The following KLF12 variants were observed in gnomAD, a reference collection of about 807,000 sequenced individuals.
KLF12 encodes Krueppel-like factor 12.
Under a neutral mutation model 37.8 loss-of-function variants are expected in KLF12, and 9 were observed. That is an observed-to-expected ratio of 0.24 (90% CI 0.14 to 0.42). The LOEUF is 0.42. Ranked by LOEUF, KLF12 falls within the 10% of genes least tolerant of loss-of-function variation. The pLI is 1.00. For missense variants in KLF12, 411 were observed against 516.0 expected, an observed-to-expected ratio of 0.80 and a Z score of 1.97; for synonymous variants, 208 against 202.1, an observed-to-expected ratio of 1.03 and a Z score of -0.25.
intron 5 of KLF12, among the ~76,000 whole-genome samples, chr13:73,784,098 G>A (rs754200436): frequency 6.6e-6 from 1 of 152,098 alleles, no homozygotes; most frequent in African/African-American, 2.4e-5. Flanking sequence ...CCTCAGCTAT[G>A]TACAGAACAG....
intron 1 of KLF12, among the ~76,000 whole-genome samples, chr13:74,024,435 C>T (rs776685125): frequency 3.8e-4 from 58 of 152,236 alleles, no homozygotes; most frequent in Middle Eastern, 3.4e-3. Context: ...AATGAGTATA[C>T]GCATCATTCT....
In KLF12 at chr13:73,695,257, T is replaced by G; in HGVS notation, c.*233A>C. Reference sequence around the variant, plus strand: ...AGCACGGAAAACAATGCCTGTCTCTTCAGCATTTATGTCACTGAGCTCCCA... The same window carrying G: ...AGCACGGAAAACAATGCCTGTCTCTGCAGCATTTATGTCACTGAGCTCCCA... On this transcript the variant is annotated 3_prime_UTR_variant, in exon 8 of 8. Transcript: ENST00000377669. 1 of 504,858 alleles carries G rather than the reference T, an allele frequency of 2.0e-6. No homozygotes were observed. The highest frequency in any genetic ancestry group is 3.2e-5 in the South Asian group (1 of 31,386). 31.3% of individuals were successfully genotyped at this position (504,858 alleles called of 1,614,324 possible).
At chr13:74,178,429 T>A in the KLF12 span, among the ~76,000 whole-genome samples, 2 of 152,206 alleles carry the variant, frequency 1.3e-5, no homozygotes, top group South Asian at 4.1e-4. Context: ...AGAACAAATA[T>A]AAGCAGGCAA....
chr13:73,832,489 G>C (rs555537572), intron 4 of KLF12, among the ~76,000 whole-genome samples: 55 of 152,168 alleles, frequency 3.6e-4, no homozygotes, highest in Non-Finnish European at 5.7e-4. Context: ...GAGATGATTA[G>C]GGGGAGCCCT....
chr13:73,774,806 AGGGT>A (rs1566359265), intron 5 of KLF12, among the ~76,000 whole-genome samples: 2 of 152,216 alleles, frequency 1.3e-5, no homozygotes, highest in East Asian at 3.9e-4. Flanking sequence ...ATTTTGTGAT[AGGGT>A]TTTTCATTCA....
chr13:73,733,442 G>C (rs1190972864), intron 6 of KLF12, among the ~76,000 whole-genome samples: 1 of 152,048 alleles, frequency 6.6e-6, no homozygotes, highest in Non-Finnish European at 1.5e-5. Flanking sequence ...ATTTCACTTA[G>C]CATAAAGTTT....
At chr13:73,739,788 C>T (rs1877822829) in intron 6 of KLF12, among the ~76,000 whole-genome samples, 1 of 152,160 alleles carries the variant, frequency 6.6e-6, no homozygotes, top group Non-Finnish European at 1.5e-5. Context: ...TCAGAGAAAA[C>T]ATTAAGCTAG....
At chr13:74,037,688 C>T (rs1292103185) in intron 1 of KLF12, among the ~76,000 whole-genome samples, 1 of 152,098 alleles carries the variant, frequency 6.6e-6, no homozygotes, top group African/African-American at 2.4e-5. Context: ...TAGGAGTGGA[C>T]TCCCATTATG....
chr13:74,079,225 GA>G (rs1417952980), intron 1 of KLF12, among the ~76,000 whole-genome samples: 1 of 152,160 alleles, frequency 6.6e-6, no homozygotes, highest in African/African-American at 2.4e-5. Context: ...ACCAGGGGCT[GA>G]GGGGAATGAG....
chr13:73,998,062 T>A, intron 1 of KLF12, among the ~76,000 whole-genome samples: 1 of 152,152 alleles, frequency 6.6e-6, no homozygotes, highest in East Asian at 1.9e-4. Context: ...TCTTGAAATT[T>A]CCACATATGA....
chr13:74,085,585 A>G (rs1241243969), intron 1 of KLF12, among the ~76,000 whole-genome samples: 1 of 152,184 alleles, frequency 6.6e-6, no homozygotes, highest in Non-Finnish European at 1.5e-5. Context: ...AAATTTTTCT[A>G]AAGTTTAGCA....
intron 3 of KLF12, among the ~76,000 whole-genome samples, chr13:73,930,149 A>T (rs1324799544): frequency 2.0e-5 from 3 of 152,230 alleles, no homozygotes; most frequent in Non-Finnish European, 2.9e-5. Flanking sequence ...ATAGCAAGAC[A>T]TTGTTTAGGG....
At chr13:73,933,431 T>C (rs577824610) in intron 3 of KLF12, among the ~76,000 whole-genome samples, 1 of 152,256 alleles carries the variant, frequency 6.6e-6, no homozygotes, top group South Asian at 2.1e-4. Context: ...TCTTGATAGG[T>C]TTTTTTATAG....
At chr13:73,842,102 G>A (rs529371878) in intron 4 of KLF12, among the ~76,000 whole-genome samples, 1 of 152,194 alleles carries the variant, frequency 6.6e-6, no homozygotes, top group South Asian at 2.1e-4. Flanking sequence ...ACACTTCTCA[G>A]GAAGGAGTTT....
chr13:73,995,400 A>C (rs557718766), intron 1 of KLF12, among the ~76,000 whole-genome samples: 1 of 152,166 alleles, frequency 6.6e-6, no homozygotes, highest in Non-Finnish European at 1.5e-5. Flanking sequence ...AGTAAAAAAA[A>C]GGTTTATAAG....
the KLF12 span, among the ~76,000 whole-genome samples, chr13:74,212,719 G>C: frequency 5.9e-5 from 9 of 152,094 alleles, no homozygotes; most frequent in African/African-American, 2.2e-4. Flanking sequence ...TGAAATAGAA[G>C]TGGAAGAGAC....
At chr13:73,855,418 T>C (rs114946418) in intron 3 of KLF12, among the ~76,000 whole-genome samples, 2,203 of 152,260 alleles carry the variant, frequency 0.014, 56 homozygotes, top group African/African-American at 0.049. Flanking sequence ...AAGGCCATGA[T>C]TTCGTTTTTG....
chr13:73,855,083 GC>G (rs1218466379), intron 3 of KLF12, among the ~76,000 whole-genome samples: 1 of 152,192 alleles, frequency 6.6e-6, no homozygotes, highest in Non-Finnish European at 1.5e-5. Flanking sequence ...TTTTCCATGA[GC>G]AGTGGATTTA....
At chr13:73,961,976 T>A in intron 2 of KLF12, 1 of 455,190 alleles carries the variant, frequency 2.2e-6, no homozygotes, top group South Asian at 1.6e-5. Flanking sequence ...AAGATCACAC[T>A]GTCACTGTCT....
Sources: allele counts gnomAD v4.1 joint callset (sites outside exome capture counted in the v4.1 genomes callset), GRCh38; gene constraint gnomAD v4.1.1; transcripts MANE v1.5; gene names NCBI Gene and HGNC (gene_info 2026-07-23, HGNC 2026-07-21).